Variants in LRBA observed in about 807,000 individuals in gnomAD.
The protein encoded by LRBA is lipopolysaccharide-responsive and beige-like anchor protein.
In LRBA, 176 loss-of-function variants were observed where a neutral mutation model predicts 330.0. That is an observed-to-expected ratio of 0.53 (90% CI 0.47 to 0.60). The LOEUF (loss-of-function observed/expected upper bound fraction) is 0.60. LRBA is among the 20% of genes least tolerant of loss of function. LRBA has a pLI of 0.00. For missense variants in LRBA, 3,259 were observed against 3,444.8 expected (o/e 0.95, Z 1.35); for synonymous variants, 1,230 against 1,193.0 (o/e 1.03, Z -0.64).
At chr4:150,787,581 T>C (rs1393719931) in intron 34 of LRBA, among the ~76,000 whole-genome samples, 3 of 152,210 alleles carry the variant, frequency 2.0e-5, no homozygotes, top group Non-Finnish European at 2.9e-5. Context: ...TGAGATGTTT[T>C]GATACAGGCA....
intron 40 of LRBA, 52 bp downstream of exon 40, chr4:150,587,996 C>CA: frequency 6.3e-7 from 1 of 1,580,570 alleles, no homozygotes. Context: ...TCCTATCCAA[C>CA]AGCACCCACC....
intron 47 of LRBA, among the ~76,000 whole-genome samples, chr4:150,351,369 CAAACAT>C: frequency 6.6e-6 from 1 of 152,118 alleles, no homozygotes; most frequent in African/African-American, 2.4e-5. Flanking sequence ...AAAGAGTTTT[CAAACAT>C]AAACTCTAAA....
At chr4:150,369,006 C>T (rs1289233601) in intron 47 of LRBA, among the ~76,000 whole-genome samples, 1 of 152,136 alleles carries the variant, frequency 6.6e-6, no homozygotes, top group Non-Finnish European at 1.5e-5. Flanking sequence ...AGTTCCCAAA[C>T]AGCTATTTTC....
At chr4:150,808,754 A>G (rs1743174785) in intron 31 of LRBA, among the ~76,000 whole-genome samples, 1 of 152,254 alleles carries the variant, frequency 6.6e-6, no homozygotes, top group Non-Finnish European at 1.5e-5. Context: ...ACACAGAAAC[A>G]GCTACATTCC....
At chr4:150,450,969 G>A (rs1167951453) in intron 44 of LRBA, among the ~76,000 whole-genome samples, 3 of 152,172 alleles carry the variant, frequency 2.0e-5, no homozygotes, top group Non-Finnish European at 4.4e-5. Flanking sequence ...GGCAGAGGTT[G>A]CAATGAGCCA....
intron 2 of LRBA, among the ~76,000 whole-genome samples, chr4:150,984,589 C>T (rs1741222516): frequency 1.3e-5 from 2 of 152,062 alleles, no homozygotes; most frequent in African/African-American, 4.8e-5. Context: ...ATTGACATGC[C>T]ATCTGTCAAT....
chr4:150,836,773 GT>G (rs1477748395), intron 28 of LRBA, among the ~76,000 whole-genome samples: 7 of 152,024 alleles, frequency 4.6e-5, no homozygotes, highest in Non-Finnish European at 1.0e-4. Context: ...TTTTTGAAGG[GT>G]TTTTTGTGTC....
chr4:150,290,515 G>C (rs1367325535), intron 53 of LRBA, among the ~76,000 whole-genome samples: 1 of 152,096 alleles, frequency 6.6e-6, no homozygotes, highest in Non-Finnish European at 1.5e-5. Context: ...CAATAATGCT[G>C]AGAGAAAAAT....
Position 150,915,600 on chromosome 4 carries a change from C to G in LRBA, c.1014+8G>C. On this transcript the variant is annotated splice_region_variant and intron_variant, in intron 8 of 56. Coordinates refer to ENST00000651943, the MANE Select transcript of LRBA (RefSeq NM_001364905.1). ...CTTTTTTCATTGCAACATTTTGAAA[C>G]TACTTACATCGCTAGTGTTGACAAA... is the stretch of plus-strand genomic sequence containing the variant. The G allele has an allele frequency of 6.3e-7, 1 of 1,595,134 alleles. No individual in the cohort carries two copies. The highest frequency in any genetic ancestry group is 8.5e-7 in the Non-Finnish European group (1 of 1,173,870).
intron 33 of LRBA, among the ~76,000 whole-genome samples, chr4:150,802,778 C>T (rs1268315325): frequency 6.6e-6 from 1 of 151,994 alleles, no homozygotes; most frequent in Non-Finnish European, 1.5e-5. Context: ...AATCCCAGCA[C>T]TTTGGGAGGC....
chr4:150,574,990 C>A (rs1042165875), intron 40 of LRBA, among the ~76,000 whole-genome samples: 2 of 151,942 alleles, frequency 1.3e-5, no homozygotes, highest in African/African-American at 4.8e-5. Context: ...TGGATCTAAA[C>A]GTACTAACCT....
At chr4:150,840,148 G>C (rs564913736) in intron 28 of LRBA, among the ~76,000 whole-genome samples, 2 of 152,316 alleles carry the variant, frequency 1.3e-5, no homozygotes, top group South Asian at 4.1e-4. Context: ...AGTGTGCCTG[G>C]TTGGATCTTT....
chr4:150,945,593 G>A (rs1157884486), intron 2 of LRBA, among the ~76,000 whole-genome samples: 2 of 152,144 alleles, frequency 1.3e-5, no homozygotes, highest in Non-Finnish European at 2.9e-5. Context: ...CTTATGCACT[G>A]CTTCTGACAT....
At chr4:150,382,043 T>C (rs1342210501) in intron 47 of LRBA, among the ~76,000 whole-genome samples, 2 of 152,226 alleles carry the variant, frequency 1.3e-5, no homozygotes, top group Non-Finnish European at 2.9e-5. Context: ...GAGTCCCTTA[T>C]ATAATCTGCA....
intron 35 of LRBA, among the ~76,000 whole-genome samples, chr4:150,750,613 T>A (rs1218814925): frequency 2.0e-5 from 3 of 151,942 alleles, no homozygotes; most frequent in Non-Finnish European, 4.4e-5. Context: ...CAATTTTTTT[T>A]AAAGAGATAG....
chr4:150,958,568 G>C (rs982416673), intron 2 of LRBA, among the ~76,000 whole-genome samples: 1 of 149,202 alleles, frequency 6.7e-6, no homozygotes, highest in African/African-American at 2.6e-5. Flanking sequence ...GCAAATTTCT[G>C]CAGCTGGCTT....
intron 36 of LRBA, among the ~76,000 whole-genome samples, chr4:150,734,503 T>G (rs1421731127): frequency 6.6e-6 from 1 of 152,182 alleles, no homozygotes; most frequent in African/African-American, 2.4e-5. Context: ...CAGAAAAATG[T>G]CAGCAACATA....
At chr4:150,524,204 G>T (rs994920251) in intron 40 of LRBA, among the ~76,000 whole-genome samples, 1 of 152,056 alleles carries the variant, frequency 6.6e-6, no homozygotes, top group African/African-American at 2.4e-5. Context: ...TAGAATAATT[G>T]GGGCAGGATG....
chr4:150,675,108 A>G (rs2126882022), intron 37 of LRBA, among the ~76,000 whole-genome samples: 1 of 152,080 alleles, frequency 6.6e-6, no homozygotes, highest in South Asian at 2.1e-4. Context: ...GCTGAGTTAA[A>G]AGGACTGCTT....
Sources: allele counts gnomAD v4.1 joint callset (sites outside exome capture counted in the v4.1 genomes callset), GRCh38; gene constraint gnomAD v4.1.1; transcripts MANE v1.5; gene names NCBI Gene and HGNC (gene_info 2026-07-23, HGNC 2026-07-21).